Variants in ZNF84 observed in about 807,000 individuals in gnomAD.
ZNF84 encodes the protein zinc finger protein HPF2.
ZNF84 carries 12 observed loss-of-function variants against 14.8 expected under a neutral mutation model. The ratio of observed to expected loss-of-function variants is 0.81; its 90% CI spans 0.52 to 1.31. The LOEUF is 1.31. ZNF84 is among the 50% of genes most tolerant of loss of function. The probability of loss-of-function intolerance (pLI) is 0.00; values close to 1 mark genes in which losing one functional copy is unlikely to be tolerated. For missense variants in ZNF84, 859 were observed against 878.6 expected, an observed-to-expected ratio of 0.98 and a Z score of 0.28; for synonymous variants, 347 against 291.1, an observed-to-expected ratio of 1.19 and a Z score of -1.96.
chr12:133,042,147 TC>T (rs1410057898), intron 2 of ZNF84, among the ~76,000 whole-genome samples: 5 of 152,328 alleles, frequency 3.3e-5, no homozygotes, highest in South Asian at 4.1e-4. Context: ...AGGTGTCAGA[TC>T]AGCTCATGGT....
rs895626815 is a variant in ZNF84, at chr12:133,062,704, G to A, written c.*3772G>A. Reference sequence around the variant, plus strand: ...TTCACATGCCTCATGTTGAAATATCGTGTGGCTTATTGTGGACTTAAAGTG... The same window carrying A: ...TTCACATGCCTCATGTTGAAATATCATGTGGCTTATTGTGGACTTAAAGTG... On this transcript the variant is annotated 3_prime_UTR_variant, in exon 5 of 5. Transcript: ENST00000539354. The A allele has an allele frequency of 4.2e-5, 8 of 192,010 alleles. No individual in the cohort carries two copies. The highest frequency in any genetic ancestry group is 2.4e-4 in the South Asian group (2 of 8,498). The allele number at this position is 192,010 out of a possible 1,614,324, so 11.9% of individuals were successfully genotyped here. A position where few individuals can be genotyped will look rare whatever the true frequency, so the allele number is the denominator to read the frequency against.
Position 133,062,935 on chromosome 12 carries a change from T to C in ZNF84, c.*4003T>C, listed in dbSNP as rs1954288399. The C allele has an allele frequency of 9.9e-6, 6 of 603,834 alleles. No homozygotes were observed. The highest frequency in any genetic ancestry group is 1.8e-5 in the Non-Finnish European group (6 of 339,986). 37.4% of individuals were successfully genotyped at this position (603,834 alleles called of 1,614,324 possible). A position where few individuals can be genotyped will look rare whatever the true frequency, so the allele number is the denominator to read the frequency against. ...CTTGTTAATGCCTATTGAATCTATA[T>C]GAACCTGTACGTGTGTTTCTCACTG... On this transcript the variant is annotated 3_prime_UTR_variant, in exon 5 of 5. Transcript: ENST00000539354.
chr12:133,043,211 T>C (rs1953915982), intron 2 of ZNF84, among the ~76,000 whole-genome samples: 1 of 152,160 alleles, frequency 6.6e-6, no homozygotes, highest in Admixed American at 6.5e-5. Context: ...GGAGTCTCAC[T>C]CTGTCACCCA....
intron 4 of ZNF84, among the ~76,000 whole-genome samples, chr12:133,052,760 T>C (rs1954093904): frequency 6.6e-6 from 1 of 152,218 alleles, no homozygotes. Flanking sequence ...TAAGCTTCAA[T>C]ATACAAGTTT....
At chr12:133,054,058 T>A (rs932229234) in intron 4 of ZNF84, among the ~76,000 whole-genome samples, 9 of 152,202 alleles carry the variant, frequency 5.9e-5, no homozygotes, top group Non-Finnish European at 1.2e-4. Context: ...AAATGTAGAT[T>A]TTTATTGAAA....
chr12:133,056,962 A>G lies in ZNF84; in HGVS notation c.247A>G (p.Lys83Glu). 1 of 1,569,882 alleles carries G rather than the reference A, an allele frequency of 6.4e-7. No individual in the cohort carries two copies. The highest frequency in any genetic ancestry group is 8.6e-7 in the Non-Finnish European group (1 of 1,164,784). Residue 83 changes from lysine to glutamate, a missense_variant, in exon 5 of 5, where the codon AAA becomes GAA. Coordinates refer to ENST00000539354, the MANE Select transcript of ZNF84 (RefSeq NM_001289971.2). ...IPSSDSPEVWKVDGNMMWHQD... is the reference protein window; with the variant it reads ...IPSSDSPEVWEVDGNMMWHQD... Reference sequence around the variant, plus strand: ...TTTTGTTTCCTTTATAGAAGTCTGGAAAGTAGATGGTAACATGATGTGGCA... The same window carrying G: ...TTTTGTTTCCTTTATAGAAGTCTGGGAAGTAGATGGTAACATGATGTGGCA...
intron 2 of ZNF84, 160 bp from the exon 3 acceptor site, chr12:133,047,795 A>C (rs1954007331): frequency 1.4e-6 from 1 of 703,478 alleles, no homozygotes; most frequent in Admixed American, 2.5e-5. Flanking sequence ...GGATGGAAGA[A>C]TGCACAATGA....
At chr12:133,048,256 C>T in intron 3 of ZNF84, 175 bp downstream of exon 3, 1 of 528,008 alleles carries the variant, frequency 1.9e-6, no homozygotes, top group Non-Finnish European at 3.3e-6. Context: ...ATTTGGGTCT[C>T]ACCTTTCAAT....
chr12:133,040,133 C>T (rs1953860698), intron 1 of ZNF84, among the ~76,000 whole-genome samples: 1 of 151,984 alleles, frequency 6.6e-6, no homozygotes, highest in Non-Finnish European at 1.5e-5. Context: ...TAAGCCATCG[C>T]TCCTGGCCAA....
chr12:133,048,678 A>T, intron 3 of ZNF84, 75 bp from the exon 4 acceptor site: 1 of 1,136,820 alleles, frequency 8.8e-7, no homozygotes, highest in Non-Finnish European at 1.3e-6. Context: ...CTTTGATGTG[A>T]AACCTTGCTC....
chr12:133,057,958 A>C lies in ZNF84; in HGVS notation c.1243A>C (p.Arg415=). The C allele has an allele frequency of 3.7e-6, 6 of 1,614,008 alleles. No homozygotes were observed. The South Asian group carries it at 4.4e-5, about 12-fold the overall frequency. ...CSECRKAFRE[R]SSLINHQRTH... is the part of the protein sequence containing the mutation. ...CGAGTGTAGGAAAGCATTTAGAGAG[A>C]GGTCGAGTCTCATTAATCATCAGAG... The change falls in exon 5 of 5, where the codon AGG becomes CGG. Residue 415 remains arginine (R), a synonymous_variant. Transcript: ENST00000539354.
In ZNF84 at chr12:133,048,243, A is replaced by G. The variant is rs1015171013; in HGVS notation, c.142+162A>G. ...GTTGCTTGGACTATGACACCAAGAA[A>G]GTATTTGGGTCTCACCTTTCAATAA... On this transcript the variant is annotated intron_variant, in intron 3 of 4. Coordinates refer to ENST00000539354, the MANE Select transcript of ZNF84 (RefSeq NM_001289971.2). 22 of 585,294 alleles carry G rather than the reference A, an allele frequency of 3.8e-5. No homozygotes were observed. In the African/African-American group the frequency reaches 4.1e-4, roughly 11 times the overall value. 36.3% of individuals were successfully genotyped at this position (585,294 alleles called of 1,614,324 possible). A position where few individuals can be genotyped will look rare whatever the true frequency, so the allele number is the denominator to read the frequency against.
At chr12:133,047,807 A>G (rs900161395) in intron 2 of ZNF84, 148 bp from the exon 3 acceptor site, 3 of 827,924 alleles carry the variant, frequency 3.6e-6, no homozygotes, top group South Asian at 1.8e-5. Context: ...GCACAATGAC[A>G]TTTTATCACA....
In ZNF84 at chr12:133,057,870, T is replaced by A; in HGVS notation, c.1155T>A (p.Phe385Leu). 6.2e-7 allele frequency: 1 copy of A among 1,613,546 alleles called. No individual in the cohort carries two copies. Among genetic ancestry groups the A allele is most frequent in the Non-Finnish European group, 8.5e-7 (1 of 1,179,608 alleles). ...FGCSDCRKAF[F>L]EKSELIRHQT... ...GTAGTGATTGTAGAAAAGCATTCTT[T>A]GAGAAGTCAGAGCTTATTAGACATC... The change falls in exon 5 of 5, where the codon TTT becomes TTA. Residue 385 changes from phenylalanine (F) to leucine (L), a missense_variant. Physicochemically the swap from Phe to Leu is conservative, Grantham distance 22. Coordinates refer to ENST00000539354, the MANE Select transcript of ZNF84 (RefSeq NM_001289971.2).
At chr12:133,052,356 C>CT (rs1490747657) in intron 4 of ZNF84, among the ~76,000 whole-genome samples, 163 of 151,950 alleles carry the variant, frequency 1.1e-3, no homozygotes, top group Non-Finnish European at 1.8e-3. Flanking sequence ...TTTTCTTTTT[C>CT]TTTTTTTGAG....
At chr12:133,047,734 C>G (rs1300520674) in intron 2 of ZNF84, 2 of 391,840 alleles carry the variant, frequency 5.1e-6, no homozygotes, top group African/African-American at 4.1e-5. Context: ...ACATCATTTT[C>G]TTCTGGAGAG....
rs1434230231 is a variant in ZNF84 at position 133,043,297 on chromosome 12, T to C, written c.15+1815T>C. 2.6e-5 allele frequency among the ~76,000 whole-genome samples: 4 copies of C among 152,210 alleles called. No homozygotes were observed. In the East Asian group the frequency reaches 7.8e-4, roughly 30 times the overall value. On this transcript the variant is annotated intron_variant, in intron 2 of 4. Transcript: ENST00000539354. ...GGTTCAAGCGATTCTCCTGAGTAGC[T>C]GGGACTACAGGCGCACGCTCCCACG... is the stretch of plus-strand genomic sequence containing the variant.
rs1367045841 is a variant in ZNF84 at position 133,058,176 on chromosome 12, T to C, written c.1461T>C (p.Tyr487=). The C allele has an allele frequency of 6.2e-7, 1 of 1,614,090 alleles. No individual in the cohort carries two copies. The highest frequency in any genetic ancestry group is 8.5e-7 in the Non-Finnish European group (1 of 1,180,018). ...HQRTHTGEKP[Y]ECSECGKAFS... is the part of the protein sequence containing the mutation. ...GAACTCATACGGGAGAAAAACCGTA[T>C]GAATGCAGTGAGTGTGGGAAAGCTT... is the stretch of plus-strand genomic sequence containing the variant. Residue 487 remains tyrosine (Y), a synonymous_variant, in exon 5 of 5, where the codon TAT becomes TAC. Coordinates refer to ENST00000539354, the MANE Select transcript of ZNF84 (RefSeq NM_001289971.2).
Position 133,058,870 on chromosome 12 carries a change from G to A in ZNF84, c.2155G>A (p.Ala719Thr), listed in dbSNP as rs994233045. The A allele has an allele frequency of 6.2e-6, 10 of 1,613,230 alleles. No homozygotes were observed. The highest frequency in any genetic ancestry group is 5.0e-5 in the Admixed American group (3 of 59,924). ...KPYRCIECGK[A>T]FSQKSQLINH... is the part of the protein sequence containing the mutation. ...TTATCGATGCATTGAATGTGGGAAA[G>A]CTTTCTCACAGAAGTCACAGCTCAT... is the stretch of plus-strand genomic sequence containing the variant. The change falls in exon 5 of 5, where the codon GCT becomes ACT. Residue 719 changes from alanine (A) to threonine (T), a missense_variant. By Grantham distance (58) the Ala-to-Thr change is moderately conservative. Coordinates refer to ENST00000539354, the MANE Select transcript of ZNF84 (RefSeq NM_001289971.2).
Sources: allele counts gnomAD v4.1 joint callset (sites outside exome capture counted in the v4.1 genomes callset), GRCh38; gene constraint gnomAD v4.1.1; transcripts MANE v1.5; gene names NCBI Gene and HGNC (gene_info 2026-07-23, HGNC 2026-07-21).